Variants in LAYN observed in about 807,000 individuals in gnomAD.
LAYN encodes layilin.
LAYN carries 38 observed loss-of-function variants against 43.6 expected under a neutral mutation model. The ratio of observed to expected loss-of-function variants is 0.87; its 90% CI spans 0.67 to 1.14. The LOEUF (loss-of-function observed/expected upper bound fraction) is 1.14, where lower values mean the gene tolerates loss of function less well. LAYN is among the 50% of genes most tolerant of loss of function. The pLI, the probability that LAYN is intolerant of heterozygous loss-of-function variation, is 0.00. For synonymous variants in LAYN, 168 were observed against 172.9 expected (o/e 0.97, Z 0.22); for missense variants, 479 against 463.8 (o/e 1.03, Z -0.30).
intron 3 of LAYN, among the ~76,000 whole-genome samples, chr11:111,552,012 GTGTATATA>G (rs1433399785): frequency 6.7e-6 from 1 of 149,472 alleles, no homozygotes. Context: ...GTATGTGTGT[GTGTATATA>G]TATATATATA....
intron 1 of LAYN, among the ~76,000 whole-genome samples, chr11:111,543,274 G>T (rs1057114236): frequency 6.6e-6 from 1 of 152,150 alleles, no homozygotes; most frequent in Non-Finnish European, 1.5e-5. Flanking sequence ...TATTATGAGG[G>T]TTACATGAGA....
intron 4 of LAYN, 107 bp downstream of exon 4, chr11:111,554,700 AGTG>A: frequency 1.0e-6 from 1 of 969,256 alleles, no homozygotes; most frequent in Non-Finnish European, 1.6e-6. Flanking sequence ...CAGAAAAACT[AGTG>A]GTATTAACTC....
chr11:111,554,614 T>G (rs1045278153), intron 4 of LAYN, 21 bp downstream of exon 4: 1 of 1,608,912 alleles, frequency 6.2e-7, no homozygotes, highest in Non-Finnish European at 8.5e-7. Flanking sequence ...TACTTGAGAT[T>G]TGGGTTAACT....
chr11:111,557,126 C>A (rs1438266719), intron 5 of LAYN, among the ~76,000 whole-genome samples: 1 of 151,838 alleles, frequency 6.6e-6, no homozygotes, highest in Non-Finnish European at 1.5e-5. Context: ...ACTGCCCCAG[C>A]GGCCCCTGCT....
At chr11:111,556,536 C>T (rs1242771759) in intron 5 of LAYN, among the ~76,000 whole-genome samples, 2 of 152,206 alleles carry the variant, frequency 1.3e-5, no homozygotes, top group East Asian at 1.9e-4. Flanking sequence ...ACTCCTATTA[C>T]TGGGGAGAGT....
rs1186963852 is a variant in LAYN at position 111,560,829 on chromosome 11, A to G, written c.*371A>G. The G allele has an allele frequency of 1.6e-5, 3 of 185,342 alleles. No individual in the cohort carries two copies. Among genetic ancestry groups the G allele is most frequent in the African/African-American group, 7.1e-5 (3 of 42,476 alleles). 11.5% of individuals were successfully genotyped at this position (185,342 alleles called of 1,614,324 possible). A position where few individuals can be genotyped will look rare whatever the true frequency, so the allele number is the denominator to read the frequency against. ...TTTTCCTTGCTCTATACAGCAGCAC[A>G]TATTATCATACAGACAGAAAATCCA... is the stretch of plus-strand genomic sequence containing the variant. On this transcript the variant is annotated 3_prime_UTR_variant, in exon 7 of 7. Coordinates refer to ENST00000375614, the MANE Select transcript of LAYN (RefSeq NM_178834.5).
In LAYN at chr11:111,560,274, C is replaced by T. The variant is rs1485499308; in HGVS notation, c.941C>T (p.Ala314Val). Reference sequence around the variant, plus strand: ...TCATTCCGAGTGTGTTCGGGAGAAGCCACTCCCGATGACATGTCTTGTGAC... The same window carrying T: ...TCATTCCGAGTGTGTTCGGGAGAAGTCACTCCCGATGACATGTCTTGTGAC... ...NISFRVCSGE[A>V]TPDDMSCDYD... The change falls in exon 7 of 7, where the codon GCC becomes GTC. Residue 314 changes from alanine to valine, a missense_variant. Transcript: ENST00000375614. The T allele has an allele frequency of 1.9e-6, 3 of 1,614,138 alleles. No homozygotes were observed. Among genetic ancestry groups the T allele is most frequent in the Non-Finnish European group, 2.5e-6 (3 of 1,180,004 alleles).
chr11:111,543,528 A>G (rs879332074), intron 1 of LAYN, among the ~76,000 whole-genome samples: 11 of 152,240 alleles, frequency 7.2e-5, no homozygotes, highest in Non-Finnish European at 7.3e-5. Flanking sequence ...CTCTTACCTT[A>G]AAGAACCACC....
intron 3 of LAYN, 54 bp from the exon 4 acceptor site, chr11:111,554,507 C>A: frequency 7.3e-7 from 1 of 1,371,428 alleles, no homozygotes; most frequent in South Asian, 1.2e-5. Context: ...TGATTTCATT[C>A]AGATGCCATA....
intron 2 of LAYN, among the ~76,000 whole-genome samples, chr11:111,546,232 A>G (rs986889293): frequency 6.6e-6 from 1 of 152,146 alleles, no homozygotes; most frequent in African/African-American, 2.4e-5. Context: ...TCACTCTTCT[A>G]TGTATAGTCA....
At chr11:111,540,710 C>G (rs538098014), upstream of LAYN, 3 of 839,098 alleles carry the variant, frequency 3.6e-6, no homozygotes, top group Admixed American at 3.5e-5. Context: ...CGCCCTCCCC[C>G]CCGCCTCCCG....
intron 1 of LAYN, chr11:111,541,615 A>G (rs1299005618): frequency 6.5e-7 from 1 of 1,532,162 alleles, no homozygotes; most frequent in Admixed American, 2.0e-5. Context: ...GGCTTCTTTC[A>G]GTTGTTCTGC....
chr11:111,547,508 T>C (rs139042663), intron 2 of LAYN, among the ~76,000 whole-genome samples: 29 of 152,350 alleles, frequency 1.9e-4, no homozygotes, highest in African/African-American at 6.7e-4. Context: ...TATACTGTTG[T>C]CCATCCCAAC....
intron 3 of LAYN, among the ~76,000 whole-genome samples, chr11:111,551,103 T>C (rs1867736525): frequency 1.3e-5 from 2 of 152,000 alleles, no homozygotes; most frequent in Admixed American, 6.6e-5. Context: ...CTAGCTACAA[T>C]GGGGAACTGT....
rs1399669242 is a variant in LAYN at position 111,544,167 on chromosome 11, C to T, written c.330C>T (p.Ser110=). The change falls in exon 2 of 7, where the codon AGC becomes AGT. Residue 110 remains serine (S), a synonymous_variant. Coordinates refer to ENST00000375614, the MANE Select transcript of LAYN (RefSeq NM_178834.5). The part of the protein sequence containing the change: ...LRRREEKQSN[S]TACQDLYAWT... ...GGCGTGAGGAGAAACAAAGCAATAG[C>T]ACAGCCTGCCAGGACCTTTATGCTT... 6.2e-7 allele frequency: 1 copy of T among 1,614,066 alleles called. No homozygotes were observed. Among genetic ancestry groups the T allele is most frequent in the East Asian group, 2.2e-5 (1 of 44,898 alleles).
intron 6 of LAYN, among the ~76,000 whole-genome samples, chr11:111,558,783 A>AAAAAAT (rs386374901): frequency 5.6e-5 from 8 of 143,134 alleles, no homozygotes; most frequent in Admixed American, 1.4e-4. Flanking sequence ...TATTTAAAAA[A>AAAAAAT]ATATATATAT....
chr11:111,548,903 T>G (rs1867691423), intron 2 of LAYN, among the ~76,000 whole-genome samples: 1 of 152,176 alleles, frequency 6.6e-6, no homozygotes, highest in South Asian at 2.1e-4. Flanking sequence ...TCCAACTGGG[T>G]GGCAGCACCA....
intron 2 of LAYN, 56 bp from the exon 3 acceptor site, chr11:111,549,562 T>C: frequency 7.1e-7 from 1 of 1,410,838 alleles, no homozygotes; most frequent in Non-Finnish European, 9.4e-7. Flanking sequence ...ACAAAGGCTT[T>C]GAAGTCTCAG....
Position 111,540,865 on chromosome 11 carries a change from C to G in LAYN, c.22C>G (p.Gln8Glu). ...GGCCATGAGGCCGGGAACCGCGCTA[C>G]AGGCCGTGCTGCTGGCCGTGCTGCT... MRPGTAL[Q>E]AVLLAVLLVG... The change falls in exon 1 of 7, where the codon CAG (glutamine) becomes GAG (glutamate). Residue 8 changes from glutamine to glutamate, a missense_variant. By Grantham distance (29) the Gln-to-Glu change is conservative. Coordinates refer to ENST00000375614, the MANE Select transcript of LAYN (RefSeq NM_178834.5). 6.5e-7 allele frequency: 1 copy of G among 1,531,828 alleles called. No individual in the cohort carries two copies. Among genetic ancestry groups the G allele is most frequent in the Non-Finnish European group, 8.7e-7 (1 of 1,145,424 alleles). The allele number at this position is 1,531,828 out of a possible 1,614,324, so 94.9% of individuals were successfully genotyped here.
Sources: allele counts gnomAD v4.1 joint callset (sites outside exome capture counted in the v4.1 genomes callset), GRCh38; gene constraint gnomAD v4.1.1; transcripts MANE v1.5; gene names NCBI Gene and HGNC (gene_info 2026-07-23, HGNC 2026-07-21).